PCDHGA1: variants seen among roughly 807,000 people sequenced by gnomAD.
PCDHGA1 encodes the protein protocadherin gamma subfamily A, 1, also known as protocadherin gamma-A1.
Under a neutral mutation model 58.0 loss-of-function variants are expected in PCDHGA1, and 32 were observed. The observed-to-expected ratio is 0.55, with a 90% CI of 0.42 to 0.74. The LOEUF is 0.74. Among genes scored for constraint, PCDHGA1 ranks in the 30% least tolerant of loss-of-function variants. The probability of loss-of-function intolerance (pLI) is 0.00; values close to 1 mark genes in which losing one functional copy is unlikely to be tolerated. For missense variants in PCDHGA1, 1,205 were observed against 1,182.3 expected (o/e 1.02, Z -0.28); for synonymous variants, 498 against 501.1 (o/e 0.99, Z 0.08).
chr5:141,372,630 A>G, intron 1 of PCDHGA1: 1 of 1,614,014 alleles, frequency 6.2e-7, no homozygotes, highest in Non-Finnish European at 8.5e-7. Flanking sequence ...CTACAGCGAA[A>G]GGACTTTGCC....
intron 1 of PCDHGA1, among the ~76,000 whole-genome samples, chr5:141,484,096 G>T (rs539388257): frequency 6.6e-6 from 1 of 152,244 alleles, no homozygotes; most frequent in Non-Finnish European, 1.5e-5. Flanking sequence ...GTCTTCGTTG[G>T]TAATTAACAA....
rs200757040 is a variant in PCDHGA1, at chr5:141,431,080, C to T, written c.2422-63727C>T. 3 of 1,614,044 alleles carry T rather than the reference C, an allele frequency of 1.9e-6. No homozygotes were observed. The highest frequency in any genetic ancestry group is 2.5e-6 in the Non-Finnish European group (3 of 1,180,010). ...CCATCAAGTGTCAATTAAATCTAGA[C>T]ATTCTGATGGAGGATAAAGTGAAAA... On this transcript the variant is annotated intron_variant, in intron 1 of 3. Coordinates refer to ENST00000517417, the MANE Select transcript of PCDHGA1 (RefSeq NM_018912.3). This position sits in a 1 kb window ranked among gnomAD's most constrained non-coding sequence, Gnocchi z 4.8.
chr5:141,372,494 A>C, intron 1 of PCDHGA1: 2 of 1,613,974 alleles, frequency 1.2e-6, no homozygotes, highest in Middle Eastern at 1.6e-4. Context: ...CCTTGATCTC[A>C]GTGCTCTTCC....
chr5:141,336,501 A>G (rs967486207), intron 1 of PCDHGA1, among the ~76,000 whole-genome samples: 5 of 152,260 alleles, frequency 3.3e-5, no homozygotes, highest in African/African-American at 1.2e-4. Flanking sequence ...AATGGATGAA[A>G]GTAAAAATGA....
chr5:141,361,408 AC>A (rs1561523484), intron 1 of PCDHGA1: 1 of 1,614,054 alleles, frequency 6.2e-7, no homozygotes. Context: ...CATCACAGCC[AC>A]CGACGGGGGC....
chr5:141,414,649 AT>A (rs1410490912), intron 1 of PCDHGA1: 15 of 1,613,914 alleles, frequency 9.3e-6, no homozygotes, highest in Non-Finnish European at 1.3e-5. Context: ...TGCCCAGATT[AT>A]TTACTCCCTG....
rs11953770 is a variant in PCDHGA1 at position 141,510,741 on chromosome 5, C to T, written c.2570-206C>T. On this transcript the variant is annotated intron_variant, in intron 3 of 3. Coordinates refer to ENST00000517417, the MANE Select transcript of PCDHGA1 (RefSeq NM_018912.3). ...TAAGGAAAGGAGCTAGGAATCAAACCTAGACTTTCTCACTCCAGAGCCTCT... is the reference window on the plus strand; with the variant it reads ...TAAGGAAAGGAGCTAGGAATCAAACTTAGACTTTCTCACTCCAGAGCCTCT... Among the ~76,000 whole-genome samples the T allele has an allele frequency of 2.6e-5, 4 of 152,138 alleles. No homozygotes were observed. In the South Asian group the frequency reaches 8.3e-4, roughly 32 times the overall value.
At chr5:141,347,066 CCTTCCTCT>C (rs1757859037) in intron 1 of PCDHGA1, among the ~76,000 whole-genome samples, 9 of 149,974 alleles carry the variant, frequency 6.0e-5, no homozygotes, top group Admixed American at 4.0e-4. Context: ...TTCCTTCCTT[CCTTCCTCT>C]CTCTCTTTCC....
At chr5:141,372,956 T>C in intron 1 of PCDHGA1, 1 of 730,732 alleles carries the variant, frequency 1.4e-6, no homozygotes, top group Non-Finnish European at 2.1e-6. Flanking sequence ...GGAAATTCTT[T>C]GTAGAATTTC....
Position 141,491,815 on chromosome 5 carries a change from C to T in PCDHGA1, c.2422-2992C>T. The T allele has an allele frequency of 6.7e-7, 1 of 1,485,264 alleles. No individual in the cohort carries two copies. Among genetic ancestry groups the T allele is most frequent in the African/African-American group, 1.4e-5 (1 of 70,622 alleles). The allele number at this position is 1,485,264 out of a possible 1,614,324, so 92.0% of individuals were successfully genotyped here. ...CCTCTCCGGCCGGCTTGGTCGCTGGCTGCGCTCCACCCGATTCTCGGGATC... is the reference window on the plus strand; with the variant it reads ...CCTCTCCGGCCGGCTTGGTCGCTGGTTGCGCTCCACCCGATTCTCGGGATC... On this transcript the variant is annotated intron_variant, in intron 1 of 3. Coordinates refer to ENST00000517417, the MANE Select transcript of PCDHGA1 (RefSeq NM_018912.3). This position sits in a 1 kb window ranked among gnomAD's most constrained non-coding sequence, Gnocchi z 6.9.
At chr5:141,495,710 G>C (rs2099763133) in intron 2 of PCDHGA1, among the ~76,000 whole-genome samples, 1 of 152,148 alleles carries the variant, frequency 6.6e-6, no homozygotes, top group Non-Finnish European at 1.5e-5. Flanking sequence ...TGTGGAGTGA[G>C]TAACTACACG....
intron 1 of PCDHGA1, among the ~76,000 whole-genome samples, chr5:141,461,739 C>T (rs1048636018): frequency 3.9e-5 from 6 of 152,134 alleles, no homozygotes; most frequent in Non-Finnish European, 7.4e-5. Context: ...GGCACAATCC[C>T]GGCTCCCAGA....
intron 1 of PCDHGA1, chr5:141,339,065 C>T: frequency 1.9e-6 from 3 of 1,613,574 alleles, no homozygotes; most frequent in Non-Finnish European, 2.5e-6. Flanking sequence ...CGGGCAGATT[C>T]GCTATTCTGT....
intron 1 of PCDHGA1, chr5:141,356,846 G>T (rs766650445): frequency 6.2e-7 from 1 of 1,614,178 alleles, no homozygotes; most frequent in Admixed American, 1.7e-5. Flanking sequence ...GTGTCACTGA[G>T]CCTCTTTGTG....
At chr5:141,379,879 G>A (rs1158947637) in intron 1 of PCDHGA1, among the ~76,000 whole-genome samples, 1 of 102,124 alleles carries the variant, frequency 9.8e-6, no homozygotes, top group African/African-American at 3.5e-5. Context: ...TTTATGGTCT[G>A]TGAAAGCCTC....
At chr5:141,383,870 G>A in intron 1 of PCDHGA1, 1 of 1,613,960 alleles carries the variant, frequency 6.2e-7, no homozygotes, top group Non-Finnish European at 8.5e-7. Context: ...GCTCAAGATG[G>A]TCCTGGTAGT....
chr5:141,427,664 C>T (rs760682962), intron 1 of PCDHGA1: 11 of 775,778 alleles, frequency 1.4e-5, no homozygotes, highest in East Asian at 1.0e-4. Context: ...TCCACGTGGC[C>T]GAAAACAACC....
At chr5:141,439,473 G>T (rs1414737627) in intron 1 of PCDHGA1, among the ~76,000 whole-genome samples, 2 of 152,202 alleles carry the variant, frequency 1.3e-5, no homozygotes, top group South Asian at 2.1e-4. Context: ...CTGCCTTTCA[G>T]CTTGCAAATT....
chr5:141,432,367 C>A lies in PCDHGA1; in HGVS notation c.2422-62440C>A, dbSNP rs2097491556. 6.2e-7 allele frequency: 1 copy of A among 1,614,246 alleles called. No individual in the cohort carries two copies. The highest frequency in any genetic ancestry group is 8.5e-7 in the Non-Finnish European group (1 of 1,180,040). The stretch of plus-strand genomic sequence containing the variant: ...TGCAAGTGAAAGTGATGGCGCGGGA[C>A]AACGGGCACCCGCCCCTCAGCAGCA... On this transcript the variant is annotated intron_variant, in intron 1 of 3. Transcript: ENST00000517417. This position sits in a 1 kb window ranked among gnomAD's most constrained non-coding sequence, Gnocchi z 6.0.
Sources: gnomAD v4.1 joint callset for allele counts (sites outside exome capture counted in the v4.1 genomes callset) on GRCh38, gnomAD v4.1.1 for gene constraint, Gnocchi (gnomAD v3.1) non-coding constraint, MANE v1.5 for transcripts, NCBI Gene and HGNC (gene_info 2026-07-23, HGNC 2026-07-21) for gene names.